Variants in KRIT1 observed in about 807,000 individuals in gnomAD.
The protein encoded by KRIT1 is krev interaction trapped protein 1.
KRIT1 carries 45 observed loss-of-function variants against 95.8 expected under a neutral mutation model. The ratio of observed to expected loss-of-function variants is 0.47; its 90% CI spans 0.37 to 0.60. The LOEUF (loss-of-function observed/expected upper bound fraction) is 0.60. Ranked by LOEUF, KRIT1 falls within the 20% of genes least tolerant of loss-of-function variation. KRIT1 has a pLI of 0.00. For missense variants in KRIT1, 788 were observed against 877.5 expected, an observed-to-expected ratio of 0.90 and a Z score of 1.29; for synonymous variants, 282 against 278.8, an observed-to-expected ratio of 1.01 and a Z score of -0.11.
Position 92,226,692 on chromosome 7 carries a change from A to C in KRIT1, c.990-10T>G, listed in dbSNP as rs773570660. The C allele has an allele frequency of 1.4e-5, 23 of 1,611,964 alleles. No homozygotes were observed. The highest frequency in any genetic ancestry group is 3.3e-5 in the South Asian group (3 of 90,606). On this transcript the variant is annotated splice_polypyrimidine_tract_variant and intron_variant, in intron 10 of 18. Coordinates refer to ENST00000394505, the MANE Select transcript of KRIT1 (RefSeq NM_194454.3). ...CTCAACTTTTCCATACCTGTATAAA[A>C]AAACAAACAAACAAAAAACAACAAC...
intron 14 of KRIT1, among the ~76,000 whole-genome samples, chr7:92,217,731 C>T (rs565149326): frequency 1.3e-5 from 2 of 152,214 alleles, no homozygotes; most frequent in East Asian, 1.9e-4. Context: ...CAGTGACATA[C>T]GAATATGTTT....
chr7:92,213,281 T>C lies in KRIT1; in HGVS notation c.1939A>G (p.Lys647Glu), dbSNP rs1388816253. Residue 647 changes from lysine to glutamate, a missense_variant, in exon 17 of 19, where the codon AAG (lysine) becomes GAG (glutamate). Coordinates refer to ENST00000394505, the MANE Select transcript of KRIT1 (RefSeq NM_194454.3). ...AAFFTGQIFT[K>E]ASPSNHKVIP... The stretch of plus-strand genomic sequence containing the variant: ...ACTTTATGATTGCTGGGGCTTGCCT[T>C]TGTAAATATCTGTCCTGTGAAAAAT... The C allele has an allele frequency of 1.2e-6, 2 of 1,613,556 alleles. No individual in the cohort carries two copies. The highest frequency in any genetic ancestry group is 1.7e-6 in the Non-Finnish European group (2 of 1,179,650).
intron 14 of KRIT1, among the ~76,000 whole-genome samples, chr7:92,215,373 G>C (rs997022053): frequency 1.3e-5 from 2 of 152,118 alleles, no homozygotes; most frequent in Non-Finnish European, 2.9e-5. Context: ...ATTTCCAAAG[G>C]ACAAATGCAT....
Position 92,241,100 on chromosome 7 carries a change from ACTTT to A in KRIT1, c.151_154del (p.Lys51PhefsTer13), listed in dbSNP as rs886041209. 1 of 1,611,520 alleles carries A rather than the reference ACTTT, an allele frequency of 6.2e-7. No individual in the cohort carries two copies. The highest frequency in any genetic ancestry group is 8.5e-7 in the Non-Finnish European group (1 of 1,177,664). On this transcript the variant is annotated frameshift_variant, in exon 5 of 19. Transcript: ENST00000394505. LOFTEE classifies it high-confidence loss of function. ...GCCTTGAAGTTTCGTTTCCAATAAA[ACTTT>A]CTTTCTCTTTTTTTTCTGTCCTTCA...
chr7:92,238,846 T>C (rs896515847), intron 5 of KRIT1, among the ~76,000 whole-genome samples: 3 of 152,134 alleles, frequency 2.0e-5, no homozygotes, highest in Non-Finnish European at 2.9e-5. Flanking sequence ...ATGCCTCCAT[T>C]CCCATTTTAT....
chr7:92,228,732 T>C (rs1029076754), intron 10 of KRIT1, among the ~76,000 whole-genome samples: 2 of 152,104 alleles, frequency 1.3e-5, no homozygotes. Flanking sequence ...TCCGCTCCTC[T>C]CCCTCCTCCC....
At chr7:92,240,178 T>C (rs1468049120) in intron 5 of KRIT1, among the ~76,000 whole-genome samples, 1 of 152,174 alleles carries the variant, frequency 6.6e-6, no homozygotes. Context: ...TATGTATCTC[T>C]AGAAAACAAA....
chr7:92,223,000 G>T, intron 12 of KRIT1, 22 bp from the exon 13 acceptor site: 1 of 1,544,778 alleles, frequency 6.5e-7, no homozygotes. Flanking sequence ...GATAACTTAC[G>T]TAACGAACTT....
At chr7:92,199,342 T>C (rs1320665328), downstream of KRIT1, 1 of 152,234 alleles carries the variant, frequency 6.6e-6, no homozygotes. Flanking sequence ...CAGAAGTTAA[T>C]GTGAAGAATA....
intron 17 of KRIT1, among the ~76,000 whole-genome samples, chr7:92,208,882 A>G (rs1436255933): frequency 1.3e-3 from 1 of 768 alleles, no homozygotes; most frequent in Non-Finnish European, 2.3e-3. Flanking sequence ...CCAGACAAGG[A>G]CACAACAAAA....
intron 14 of KRIT1, among the ~76,000 whole-genome samples, chr7:92,219,453 T>C (rs997790109): frequency 5.9e-5 from 9 of 152,240 alleles, no homozygotes; most frequent in Admixed American, 2.6e-4. Context: ...CGGCTGTATA[T>C]GTATGGGTTT....
In KRIT1 at chr7:92,222,046, T is replaced by G. The variant is rs748732288; in HGVS notation, c.1419A>C (p.Gln473His). The change falls in exon 14 of 19, where the codon CAA becomes CAC. Residue 473 changes from glutamine (Q) to histidine (H), a missense_variant. Physicochemically the swap from Gln to His is conservative, Grantham distance 24. Transcript: ENST00000394505. ...IWICSENLSL[Q>H]LKPYHKPLQH... ...GCAAGGGTTTATGATATGGTTTGAG[T>G]TGAAGGCCTGAAAAACATCATTCCT... The G allele has an allele frequency of 1.9e-5, 31 of 1,612,872 alleles. No individual in the cohort carries two copies. The highest frequency in any genetic ancestry group is 3.3e-5 in the Admixed American group (2 of 60,006).
intron 3 of KRIT1, 72 bp downstream of exon 3, chr7:92,243,930 T>G (rs1036539654): frequency 3.9e-5 from 6 of 152,218 alleles, no homozygotes; most frequent in African/African-American, 1.4e-4. Context: ...ACGTTATCAT[T>G]CTTTATCATT....
intron 11 of KRIT1, 34 bp downstream of exon 11, chr7:92,226,492 A>T: frequency 6.6e-7 from 1 of 1,520,348 alleles, no homozygotes; most frequent in African/African-American, 1.4e-5. Context: ...TCACTGCTTG[A>T]ATATTATTTT....
intron 12 of KRIT1, 115 bp from the exon 13 acceptor site, chr7:92,223,093 CAGA>C: frequency 1.4e-6 from 1 of 727,204 alleles, no homozygotes; most frequent in South Asian, 1.6e-5. Context: ...TGAAAAATAT[CAGA>C]AACACTGTTT....
intron 15 of KRIT1, 136 bp from the exon 16 acceptor site, chr7:92,214,115 C>A: frequency 1.5e-6 from 1 of 648,132 alleles, no homozygotes; most frequent in Non-Finnish European, 2.8e-6. Context: ...TATCAGAGAA[C>A]TCTAAAAATG....
intron 17 of KRIT1, among the ~76,000 whole-genome samples, chr7:92,212,785 T>G (rs1793147395): frequency 6.6e-6 from 1 of 152,220 alleles, no homozygotes; most frequent in Admixed American, 6.5e-5. Context: ...CTTTTATTCC[T>G]AGTTACCTGG....
At chr7:92,206,973 A>G (rs928799131) in intron 17 of KRIT1, 1 of 151,872 alleles carries the variant, frequency 6.6e-6, no homozygotes, top group African/African-American at 2.4e-5. Flanking sequence ...ATCAAGAAAT[A>G]AAAAAGAATG....
In KRIT1 at chr7:92,200,719, T is replaced by A; in HGVS notation, c.*17A>T. On this transcript the variant is annotated 3_prime_UTR_variant, in exon 19 of 19. Coordinates refer to ENST00000394505, the MANE Select transcript of KRIT1 (RefSeq NM_194454.3). ...GCATTACAAAATGTGGTGGCTTGAG[T>A]AACAGTTACTTCTCTTTCATGAATT... 6.6e-7 allele frequency: 1 copy of A among 1,522,924 alleles called. No individual in the cohort carries two copies. The highest frequency in any genetic ancestry group is 9.1e-7 in the Non-Finnish European group (1 of 1,096,900). The allele number at this position is 1,522,924 out of a possible 1,614,324, so 94.3% of individuals were successfully genotyped here.
Sources: allele counts gnomAD v4.1 joint callset (sites outside exome capture counted in the v4.1 genomes callset), GRCh38; gene constraint gnomAD v4.1.1; transcripts MANE v1.5; gene names NCBI Gene and HGNC (gene_info 2026-07-23, HGNC 2026-07-21).